The following PRPF8 variants were observed in gnomAD, a reference collection of about 807,000 sequenced individuals.
PRPF8 encodes the protein pre-mRNA processing factor 8.
Under a neutral mutation model 285.9 loss-of-function variants are expected in PRPF8, and 64 were observed. The observed-to-expected ratio is 0.22, with a 90% CI of 0.18 to 0.28. The LOEUF is 0.28. PRPF8 is among the 10% of genes least tolerant of loss of function. The pLI is 1.00. For synonymous variants in PRPF8, 1,325 were observed against 1,118.2 expected (o/e 1.18, Z -3.69); for missense variants, 1,426 against 3,026.7 (o/e 0.47, Z 12.41).
chr17:1,656,804 C>T (rs1911412349), intron 34 of PRPF8, 43 bp from the exon 35 acceptor site: 1 of 1,511,022 alleles, frequency 6.6e-7, no homozygotes. Context: ...AGTCTCTACC[C>T]TCCCAGATCA....
Position 1,676,777 on chromosome 17 carries a change from C to G in PRPF8, c.2182-66G>C. ...GGCACTGTGGCACACATCTGTAGTC[C>G]CGGCTACTCAGGAGGCTAAGGAGGA... On this transcript the variant is annotated intron_variant, in intron 15 of 42. Coordinates refer to ENST00000304992, the MANE Select transcript of PRPF8 (RefSeq NM_006445.4). This position sits in a 1 kb window ranked among gnomAD's most constrained non-coding sequence, Gnocchi z 6.3. The G allele has an allele frequency of 6.3e-7, 1 of 1,576,400 alleles. No individual in the cohort carries two copies. The highest frequency in any genetic ancestry group is 1.1e-5 in the South Asian group (1 of 90,452).
In PRPF8 at chr17:1,680,765, G is replaced by A; in HGVS notation, c.1059C>T (p.Asp353=). The change falls in exon 8 of 43, where the codon GAC becomes GAT. Residue 353 remains aspartate (D), a synonymous_variant. Coordinates refer to ENST00000304992, the MANE Select transcript of PRPF8 (RefSeq NM_006445.4). ...EDPDLPAFYF[D]PLINPISHRH... ...TATGGGAGATTGGGTTGATCAAAGG[G>A]TCAAAGTAGAAAGCTGGCAAGTCAG... 12 of 1,614,068 alleles carry A rather than the reference G, an allele frequency of 7.4e-6. No individual in the cohort carries two copies. The highest frequency in any genetic ancestry group is 1.0e-5 in the Non-Finnish European group (12 of 1,179,984).
At chr17:1,678,708 C>G (rs1352700413) in intron 12 of PRPF8, 54 bp downstream of exon 12, 1 of 1,614,054 alleles carries the variant, frequency 6.2e-7, no homozygotes, top group African/African-American at 1.3e-5. Context: ...ACGGTCAGCA[C>G]AGGCTTCCTC....
chr17:1,681,988 T>C lies in PRPF8; in HGVS notation c.485A>G (p.Lys162Arg). The C allele has an allele frequency of 1.2e-6, 2 of 1,613,982 alleles. No homozygotes were observed. The highest frequency in any genetic ancestry group is 8.5e-7 in the Non-Finnish European group (1 of 1,180,008). Reference protein sequence around the residue: ...RREKRDRRHFKRMRFPPFDDE... With the variant: ...RREKRDRRHFRRMRFPPFDDE... ...ATCAAAAGGGGGAAAACGCATCCTC[T>C]TGAAATGCCTCCTATCTCTTTTTTC... The change falls in exon 5 of 43, where the codon AAG (lysine) becomes AGG (arginine). Residue 162 changes from lysine to arginine, a missense_variant. Physicochemically the swap from Lys to Arg is conservative, Grantham distance 26. Coordinates refer to ENST00000304992, the MANE Select transcript of PRPF8 (RefSeq NM_006445.4).
At chr17:1,655,755 T>C (rs371228006) in intron 36 of PRPF8, among the ~76,000 whole-genome samples, 1 of 151,512 alleles carries the variant, frequency 6.6e-6, no homozygotes, top group East Asian at 1.9e-4. Flanking sequence ...GCCTCCCGAA[T>C]AGCTGGGATG....
intron 24 of PRPF8, among the ~76,000 whole-genome samples, chr17:1,670,617 G>A (rs111837924): frequency 0.1 from 15,195 of 152,198 alleles, 1,051 homozygotes; most frequent in Non-Finnish European, 0.15. Context: ...CTCCTGTGTA[G>A]CTGGGATTAC....
At chr17:1,664,548 C>T (rs1288460334) in intron 24 of PRPF8, among the ~76,000 whole-genome samples, 12 of 152,178 alleles carry the variant, frequency 7.9e-5, no homozygotes, top group Middle Eastern at 3.4e-3. Context: ...AGCTCATGCC[C>T]GTAATCCCAA....
At chr17:1,678,712 C>G (rs376058476) in intron 12 of PRPF8, 50 bp downstream of exon 12, 2 of 1,614,150 alleles carry the variant, frequency 1.2e-6, no homozygotes, top group Admixed American at 3.3e-5. Flanking sequence ...TCAGCACAGG[C>G]TTCCTCCAGC....
chr17:1,669,175 T>C lies in PRPF8; in HGVS notation c.3774+3906A>G, dbSNP rs1038764704. Among the ~76,000 whole-genome samples, 6 of 152,264 alleles carry C rather than the reference T, an allele frequency of 3.9e-5. No individual in the cohort carries two copies. In the East Asian group the frequency reaches 7.7e-4, roughly 20 times the overall value. ...AGGCTGGGGTGCAGTGGCACGATCTTGGCTCACTGCAACCTCTACCTCCCG... is the reference window on the plus strand; with the variant it reads ...AGGCTGGGGTGCAGTGGCACGATCTCGGCTCACTGCAACCTCTACCTCCCG... On this transcript the variant is annotated intron_variant, in intron 24 of 42. Transcript: ENST00000304992.
chr17:1,676,982 G>A lies in PRPF8; in HGVS notation c.2175C>T (p.Pro725=), dbSNP rs1423976610. The A allele has an allele frequency of 2.5e-6, 4 of 1,613,734 alleles. No individual in the cohort carries two copies. Among genetic ancestry groups the A allele is most frequent in the African/African-American group, 1.3e-5 (1 of 74,902 alleles). Residue 725 remains proline, a synonymous_variant, in exon 15 of 43, where the codon CCC becomes CCT. Coordinates refer to ENST00000304992, the MANE Select transcript of PRPF8 (RefSeq NM_006445.4). This position sits in a 1 kb window ranked among gnomAD's most constrained non-coding sequence, Gnocchi z 6.3. The stretch of plus-strand genomic sequence containing the variant: ...GAAATAAAGAGACACCCACCTTCCA[G>A]GGAATGTTGGCTTTCCAGCAGCGCC... ...EAWRCWKANI[P]WKVPGLPTPI...
chr17:1,672,158 A>C (rs1359207887), intron 24 of PRPF8, among the ~76,000 whole-genome samples: 1 of 152,236 alleles, frequency 6.6e-6, no homozygotes, highest in Non-Finnish European at 1.5e-5. Flanking sequence ...GACTTAACTA[A>C]AAAACAGAAA....
At chr17:1,672,590 CTT>C (rs1283628927) in intron 24 of PRPF8, among the ~76,000 whole-genome samples, 1 of 152,118 alleles carries the variant, frequency 6.6e-6, no homozygotes, top group Non-Finnish European at 1.5e-5. Flanking sequence ...GCCGAGGTAA[CTT>C]TTTAAATTTT....
Position 1,661,538 on chromosome 17 carries a change from C to G in PRPF8, c.4202+73G>C. 2 of 1,610,020 alleles carry G rather than the reference C, an allele frequency of 1.2e-6. No individual in the cohort carries two copies. Among genetic ancestry groups the G allele is most frequent in the Non-Finnish European group, 8.5e-7 (1 of 1,178,868 alleles). ...TCCATACAACCATGGCATGCTCTGA[C>G]CCTGAACTCCACACGGTTCAAAGGC... On this transcript the variant is annotated intron_variant, in intron 26 of 42. Transcript: ENST00000304992. This position sits in a 1 kb window ranked among gnomAD's most constrained non-coding sequence, Gnocchi z 7.3.
intron 14 of PRPF8, 88 bp from the exon 15 acceptor site, chr17:1,677,260 G>GTTA: frequency 7.6e-7 from 1 of 1,321,904 alleles, no homozygotes; most frequent in Non-Finnish European, 1.1e-6. Flanking sequence ...ACTCATTATG[G>GTTA]TTATTAATAA....
rs547841260 is a variant in PRPF8 at position 1,677,318 on chromosome 17, C to T, written c.1985-146G>A. ...CCTGTGCCCAGCATATGCAAAAAGA[C>T]GAGCTACCTTAAACATTCACAACTA... On this transcript the variant is annotated intron_variant, in intron 14 of 42. Transcript: ENST00000304992. 350 of 996,368 alleles carry T rather than the reference C, an allele frequency of 3.5e-4. 1 individual carries two copies. The highest frequency in any genetic ancestry group is 2.2e-3 in the South Asian group (166 of 74,844). 61.7% of individuals were successfully genotyped at this position (996,368 alleles called of 1,614,324 possible).
rs1911535301 is a variant in PRPF8 at position 1,658,924 on chromosome 17, GA to G, written c.5139-162del. The G allele has an allele frequency of 1.4e-6, 1 of 733,400 alleles. No homozygotes were observed. Among genetic ancestry groups the G allele is most frequent in the Admixed American group, 2.0e-5 (1 of 50,138 alleles). The allele number at this position is 733,400 out of a possible 1,614,324, so 45.4% of individuals were successfully genotyped here. A position where few individuals can be genotyped will look rare whatever the true frequency, so the allele number is the denominator to read the frequency against. ...GGAGAAGAGAATCAGTGACCCATAG[GA>G]GGAATGGGCCACTTCCTCTCACTTA... is the stretch of plus-strand genomic sequence containing the variant. On this transcript the variant is annotated intron_variant, in intron 32 of 42. Coordinates refer to ENST00000304992, the MANE Select transcript of PRPF8 (RefSeq NM_006445.4). The surrounding 1 kb of genome is among the most constrained non-coding windows in gnomAD (Gnocchi z 4.1).
chr17:1,674,803 CTCAG>C, intron 20 of PRPF8, 123 bp from the exon 21 acceptor site: 1 of 1,034,762 alleles, frequency 9.7e-7, no homozygotes, highest in South Asian at 1.3e-5. Context: ...CGGAGTTGTG[CTCAG>C]TCACCCAGGC....
chr17:1,676,678 T>G lies in PRPF8; in HGVS notation c.2215A>C (p.Ile739Leu). 1.2e-6 allele frequency: 2 copies of G among 1,614,068 alleles called. No homozygotes were observed. The change falls in exon 16 of 43, where the codon ATC becomes CTC. Residue 739 changes from isoleucine (I) to leucine (L), a missense_variant. Transcript: ENST00000304992. The surrounding 1 kb of genome is among the most constrained non-coding windows in gnomAD (Gnocchi z 6.3). ...PGLPTPIENM[I>L]LRYVKAKADW... ...GCCTTGGCCTTCACGTATCGAAGGATCATATTCTCTATGGGCGTCGGCAGC... is the reference window on the plus strand; with the variant it reads ...GCCTTGGCCTTCACGTATCGAAGGAGCATATTCTCTATGGGCGTCGGCAGC...
Position 1,675,096 on chromosome 17 carries a change from A to C in PRPF8, c.3060+56T>G. On this transcript the variant is annotated intron_variant, in intron 20 of 42. Transcript: ENST00000304992. The surrounding 1 kb of genome is among the most constrained non-coding windows in gnomAD (Gnocchi z 6.0). ...CCTCCTCCTCAGCAAATTCTGAGTCAGTGGGCCAGACAAGCACTCCACACA... is the reference window on the plus strand; with the variant it reads ...CCTCCTCCTCAGCAAATTCTGAGTCCGTGGGCCAGACAAGCACTCCACACA... 6.2e-7 allele frequency: 1 copy of C among 1,603,700 alleles called. No individual in the cohort carries two copies. Among genetic ancestry groups the C allele is most frequent in the Non-Finnish European group, 8.5e-7 (1 of 1,173,464 alleles).
Sources: allele counts gnomAD v4.1 joint callset (sites outside exome capture counted in the v4.1 genomes callset), GRCh38; gene constraint gnomAD v4.1.1; non-coding constraint Gnocchi (gnomAD v3.1); transcripts MANE v1.5; gene names NCBI Gene and HGNC (gene_info 2026-07-23, HGNC 2026-07-21).